MDGA2: variants seen among roughly 807,000 people sequenced by gnomAD.
MDGA2 encodes the protein MAM domain-containing glycosylphosphatidylinositol anchor protein 2.
MDGA2 carries 40 observed loss-of-function variants against 117.8 expected under a neutral mutation model. The ratio of observed to expected loss-of-function variants is 0.34; its 90% CI spans 0.26 to 0.44. The LOEUF (loss-of-function observed/expected upper bound fraction) is 0.44. MDGA2 is among the 20% of genes least tolerant of loss of function. MDGA2 has a pLI of 1.00. For missense variants in MDGA2, 1,123 were observed against 1,250.6 expected (o/e 0.90, Z 1.54); for synonymous variants, 452 against 439.0 (o/e 1.03, Z -0.37).
intron 9 of MDGA2, among the ~76,000 whole-genome samples, chr14:46,941,368 A>G (rs899448105): frequency 1.3e-5 from 2 of 152,206 alleles, no homozygotes; most frequent in African/African-American, 4.8e-5. Context: ...GACTTTCTCA[A>G]CTTAGAGCCC....
At chr14:47,636,276 T>C (rs1339722909) in intron 1 of MDGA2, among the ~76,000 whole-genome samples, 3 of 152,214 alleles carry the variant, frequency 2.0e-5, no homozygotes, top group Admixed American at 2.0e-4. Context: ...TTAATTTTAC[T>C]ATTAAAAGCA....
chr14:47,062,716 T>C (rs2138793528), intron 6 of MDGA2, among the ~76,000 whole-genome samples: 1 of 152,140 alleles, frequency 6.6e-6, no homozygotes, highest in East Asian at 1.9e-4. Context: ...GCATTCTGGA[T>C]AGCCCCTCCT....
intron 1 of MDGA2, among the ~76,000 whole-genome samples, chr14:47,613,950 A>G (rs1896900549): frequency 6.6e-6 from 1 of 152,168 alleles, no homozygotes; most frequent in Non-Finnish European, 1.5e-5. Context: ...GGAGGGGTTG[A>G]CAACAGAATT....
intron 3 of MDGA2, among the ~76,000 whole-genome samples, chr14:47,172,298 T>G (rs1261439562): frequency 6.6e-6 from 1 of 152,002 alleles, no homozygotes; most frequent in Non-Finnish European, 1.5e-5. Context: ...AGAGCAGTGG[T>G]TCTCCAAGCA....
intron 1 of MDGA2, among the ~76,000 whole-genome samples, chr14:47,600,121 C>T (rs1203106017): frequency 6.6e-6 from 1 of 151,974 alleles, no homozygotes; most frequent in African/African-American, 2.4e-5. Flanking sequence ...ATGGGCCAGG[C>T]GCGGTGGCTC....
intron 1 of MDGA2, among the ~76,000 whole-genome samples, chr14:47,534,079 T>C (rs1895156714): frequency 1.3e-5 from 2 of 151,976 alleles, no homozygotes; most frequent in African/African-American, 4.8e-5. Flanking sequence ...CTTAGAAAAC[T>C]ACTGGGAAAA....
At position 47,531,181 on chromosome 14, in the gene MDGA2, C is replaced by T. The variant is rs563100666; in HGVS notation, c.280+143336G>A. 3.9e-5 allele frequency among the ~76,000 whole-genome samples: 6 copies of T among 152,200 alleles called. No individual in the cohort carries two copies. The South Asian group carries it at 1.2e-3, about 32-fold the overall frequency. On this transcript the variant is annotated intron_variant, in intron 1 of 16. Transcript: ENST00000399232. ...AATGGCGTGAACCCAGGAGGCAGAGCTTGCAGTGAGCCAAGATCATGCCAC... is the reference window on the plus strand; with the variant it reads ...AATGGCGTGAACCCAGGAGGCAGAGTTTGCAGTGAGCCAAGATCATGCCAC...
chr14:47,470,432 A>G lies in MDGA2; in HGVS notation c.281-168882T>C, dbSNP rs563789354. Among the ~76,000 whole-genome samples, 33 of 152,236 alleles carry G rather than the reference A, an allele frequency of 2.2e-4. No homozygotes were observed. The South Asian group carries it at 6.2e-3, about 29-fold the overall frequency. On this transcript the variant is annotated intron_variant, in intron 1 of 16. Transcript: ENST00000399232. The stretch of plus-strand genomic sequence containing the variant: ...TTGCTAGCTTCATACATGTCCCTGC[A>G]AAGGGCATGAACTCATCCTTTTTTA...
At chr14:46,992,731 A>G (rs1017544902) in intron 8 of MDGA2, among the ~76,000 whole-genome samples, 4 of 152,144 alleles carry the variant, frequency 2.6e-5, no homozygotes, top group Admixed American at 6.6e-5. Context: ...AAGCTCCTAT[A>G]AAATGAGCAC....
chr14:46,842,074 C>T (rs531464851), intron 16 of MDGA2, 55 bp from the exon 17 acceptor site: 16 of 1,150,396 alleles, frequency 1.4e-5, no homozygotes, highest in Middle Eastern at 2.0e-4. Flanking sequence ...AAGCATTCCA[C>T]GTAGCTACTA....
At chr14:47,230,592 A>G (rs1003285485) in intron 2 of MDGA2, among the ~76,000 whole-genome samples, 3 of 151,952 alleles carry the variant, frequency 2.0e-5, no homozygotes, top group African/African-American at 7.2e-5. Flanking sequence ...CTTATGGACA[A>G]ATTTTTACCT....
intron 1 of MDGA2, among the ~76,000 whole-genome samples, chr14:47,456,814 A>C (rs923559773): frequency 2.0e-5 from 3 of 152,110 alleles, no homozygotes; most frequent in Non-Finnish European, 4.4e-5. Flanking sequence ...ATAGAAATAT[A>C]GTGACTCTGT....
intron 2 of MDGA2, among the ~76,000 whole-genome samples, chr14:47,224,876 T>C (rs1476270489): frequency 1.3e-5 from 2 of 152,180 alleles, no homozygotes; most frequent in Admixed American, 1.3e-4. Flanking sequence ...CAGGGAAAAT[T>C]ACAGAGGAAA....
intron 3 of MDGA2, among the ~76,000 whole-genome samples, chr14:47,172,158 T>C (rs1884177905): frequency 6.6e-6 from 1 of 152,044 alleles, no homozygotes. Context: ...TCCGACTGGG[T>C]GGAGCCCACC....
intron 3 of MDGA2, among the ~76,000 whole-genome samples, chr14:47,176,161 A>G (rs1342516539): frequency 6.6e-6 from 1 of 152,218 alleles, no homozygotes; most frequent in Non-Finnish European, 1.5e-5. Flanking sequence ...GGATACAAAC[A>G]AATGGAAGAA....
chr14:46,923,836 T>C lies in MDGA2; in HGVS notation c.2090-3676A>G, dbSNP rs539692217. Among the ~76,000 whole-genome samples the C allele has an allele frequency of 2.6e-5, 4 of 152,220 alleles. No individual in the cohort carries two copies. In the South Asian group the frequency reaches 8.3e-4, roughly 32 times the overall value. ...ACACAGTAAAACCAAAGAAATATCC[T>C]TATAATAATCTTGGGCTTTGACATC... is the stretch of plus-strand genomic sequence containing the variant. On this transcript the variant is annotated intron_variant, in intron 9 of 16. Transcript: ENST00000399232.
In MDGA2 at chr14:47,185,859, C is replaced by T. The variant is rs566325104; in HGVS notation, c.595+32162G>A. ...TTGGAAATTGAGTACTATATTTAGT[C>T]GCATTAAGATAAAAGATACAAAAAA... On this transcript the variant is annotated intron_variant, in intron 3 of 16. Coordinates refer to ENST00000399232, the MANE Select transcript of MDGA2 (RefSeq NM_001113498.3). Among the ~76,000 whole-genome samples, 9 of 151,242 alleles carry T rather than the reference C, an allele frequency of 6.0e-5. No homozygotes were observed. In the South Asian group the frequency reaches 8.3e-4, roughly 14 times the overall value.
intron 2 of MDGA2, among the ~76,000 whole-genome samples, chr14:47,298,542 A>G (rs1030311697): frequency 1.3e-5 from 2 of 152,122 alleles, no homozygotes; most frequent in African/African-American, 4.8e-5. Context: ...CAGCTTTCTC[A>G]TATCAGCCAA....
chr14:47,200,070 T>C (rs1215431334), intron 3 of MDGA2, among the ~76,000 whole-genome samples: 2 of 151,574 alleles, frequency 1.3e-5, no homozygotes, highest in Admixed American at 6.6e-5. Context: ...AGAGAAAAAA[T>C]GGAAAAAGAA....
Sources: allele counts gnomAD v4.1 joint callset (sites outside exome capture counted in the v4.1 genomes callset), GRCh38; gene constraint gnomAD v4.1.1; transcripts MANE v1.5; gene names NCBI Gene and HGNC (gene_info 2026-07-23, HGNC 2026-07-21).